The following PDZD2 variants were observed in gnomAD, a reference collection of about 807,000 sequenced individuals.
PDZD2 encodes PDZ domain-containing protein 2.
In PDZD2, 90 loss-of-function variants were observed where a neutral mutation model predicts 220.7. That is an observed-to-expected ratio of 0.41 (90% CI 0.34 to 0.49). The LOEUF (loss-of-function observed/expected upper bound fraction) is 0.49. PDZD2 is among the 20% of genes least tolerant of loss of function. The pLI, the probability that PDZD2 is intolerant of heterozygous loss-of-function variation, is 0.28. For missense variants in PDZD2, 3,174 were observed against 3,608.5 expected (o/e 0.88, Z 3.08); for synonymous variants, 1,375 against 1,450.5 (o/e 0.95, Z 1.18).
intron 2 of PDZD2, among the ~76,000 whole-genome samples, chr5:31,886,358 A>G (rs376757705): frequency 1.4e-4 from 22 of 152,064 alleles, no homozygotes; most frequent in African/African-American, 5.1e-4. Flanking sequence ...CAAGTTGTTT[A>G]TGTGCCTCCC....
intron 2 of PDZD2, among the ~76,000 whole-genome samples, chr5:31,895,734 C>T (rs1425094596): frequency 6.6e-6 from 1 of 152,126 alleles, no homozygotes; most frequent in Non-Finnish European, 1.5e-5. Context: ...CACATACCTC[C>T]CTCATGAAGG....
In PDZD2 at chr5:31,646,316, A is replaced by AG. The variant is rs1231899191; in HGVS notation, c.-361+6880dup. 6.6e-6 allele frequency among the ~76,000 whole-genome samples: 1 copy of AG among 152,050 alleles called. No individual in the cohort carries two copies. Among genetic ancestry groups the AG allele is most frequent in the Non-Finnish European group, 1.5e-5 (1 of 68,020 alleles). On this transcript the variant is annotated intron_variant, in intron 1 of 24. Transcript: ENST00000438447. This position sits in a 1 kb window ranked among gnomAD's most constrained non-coding sequence, Gnocchi z 4.7. ...TTGGTGGGTACAAGTTTGAACACCTAGTAATGCCCCTTACCCCTGAGGAAT... is the reference window on the plus strand; with the variant it reads ...TTGGTGGGTACAAGTTTGAACACCTAGGTAATGCCCCTTACCCCTGAGGAAT...
intron 1 of PDZD2, among the ~76,000 whole-genome samples, chr5:31,755,065 C>T (rs1751226368): frequency 6.6e-6 from 1 of 152,146 alleles, no homozygotes; most frequent in South Asian, 2.1e-4. Context: ...TTGAAAATTA[C>T]AGGCAGCACA....
In PDZD2 at chr5:32,053,836, C is replaced by T. The variant is rs1227399536; in HGVS notation, c.1853C>T (p.Thr618Ile). The T allele has an allele frequency of 6.2e-7, 1 of 1,613,016 alleles. No homozygotes were observed. The part of the protein sequence containing the change: ...IRGQMGIFVK[T>I]IFPNGSAAED... ...GGACAGATGGGGATTTTTGTCAAGA[C>T]CATCTTCCCAAATGGATCAGCTGCA... The change falls in exon 10 of 25, where the codon ACC (threonine) becomes ATC (isoleucine). Residue 618 changes from threonine to isoleucine, a missense_variant. Physicochemically the swap from Thr to Ile is moderately conservative, Grantham distance 89 (BLOSUM62 -1). Coordinates refer to ENST00000438447, the MANE Select transcript of PDZD2 (RefSeq NM_178140.4).
intron 6 of PDZD2, among the ~76,000 whole-genome samples, chr5:32,014,717 T>TTTTTTTTTTTTTTGAGATGGAG (rs1753619852): frequency 7.5e-6 from 1 of 133,186 alleles, no homozygotes; most frequent in African/African-American, 3.1e-5. Flanking sequence ...TTTTTTTTTT[T>TTTTTTTTTTTTTTGAGATGGAG]TTTTTTTTTT....
intron 7 of PDZD2, among the ~76,000 whole-genome samples, chr5:32,040,917 G>A (rs1174250728): frequency 4.7e-5 from 7 of 148,332 alleles, no homozygotes; most frequent in Non-Finnish European, 1.0e-4. Flanking sequence ...GATGTGAGGA[G>A]CACCTCTGCC....
At chr5:31,995,764 C>A in intron 4 of PDZD2, 46 bp downstream of exon 4, 1 of 1,541,284 alleles carries the variant, frequency 6.5e-7, no homozygotes, top group East Asian at 2.3e-5. Flanking sequence ...TGCCTCCTCT[C>A]CTTCCCTCTC....
intron 13 of PDZD2, among the ~76,000 whole-genome samples, chr5:32,060,594 G>A (rs545755485): frequency 1.3e-5 from 2 of 152,206 alleles, no homozygotes; most frequent in Non-Finnish European, 2.9e-5. Context: ...TAGTTCAACA[G>A]TGTGTGACAT....
intron 5 of PDZD2, among the ~76,000 whole-genome samples, chr5:32,005,648 C>T (rs1251478568): frequency 6.6e-6 from 1 of 152,068 alleles, no homozygotes; most frequent in African/African-American, 2.4e-5. Context: ...GCAACATGTA[C>T]ATACATGTTT....
rs867108435 is a variant in PDZD2, at chr5:31,850,051, C to G, written c.476+50327C>G. 4.4e-5 allele frequency among the ~76,000 whole-genome samples: 3 copies of G among 68,076 alleles called. No individual in the cohort carries two copies. The South Asian group carries it at 1.2e-3, about 26-fold the overall frequency. 44.7% of individuals were successfully genotyped at this position (68,076 alleles called of 152,430 possible). ...TCATATATACACGTATATATATATA[C>G]GTGTATATATAAGTATATATATGTG... On this transcript the variant is annotated intron_variant, in intron 2 of 24. Coordinates refer to ENST00000438447, the MANE Select transcript of PDZD2 (RefSeq NM_178140.4).
At chr5:32,068,996 G>A (rs992926184) in intron 14 of PDZD2, among the ~76,000 whole-genome samples, 7 of 152,064 alleles carry the variant, frequency 4.6e-5, no homozygotes, top group African/African-American at 1.7e-4. Context: ...GGCCGGACGC[G>A]GTGGCTCACA....
intron 1 of PDZD2, among the ~76,000 whole-genome samples, chr5:31,732,200 G>A (rs1749574662): frequency 1.3e-5 from 2 of 152,162 alleles, no homozygotes; most frequent in Admixed American, 6.5e-5. Context: ...GCCCTACAGA[G>A]AAGCTTTTTT....
At chr5:31,873,533 TTTTA>T (rs57704132) in intron 2 of PDZD2, among the ~76,000 whole-genome samples, 9,132 of 143,988 alleles carry the variant, frequency 0.063, 672 homozygotes, top group African/African-American at 0.18. Flanking sequence ...TGAAAATTCT[TTTTA>T]TTTATTTATT....
intron 2 of PDZD2, among the ~76,000 whole-genome samples, chr5:31,820,076 C>T (rs2150253590): frequency 6.6e-6 from 1 of 152,336 alleles, no homozygotes; most frequent in South Asian, 2.1e-4. Flanking sequence ...TGCGGTGCCT[C>T]CCCAAGCTGG....
intron 2 of PDZD2, among the ~76,000 whole-genome samples, chr5:31,949,629 C>T (rs1312736644): frequency 6.7e-6 from 1 of 150,022 alleles, no homozygotes; most frequent in African/African-American, 2.5e-5. Flanking sequence ...ACCTTAGTCT[C>T]TTCAGCTGCT....
intron 2 of PDZD2, among the ~76,000 whole-genome samples, chr5:31,811,626 G>C (rs79586730): frequency 0.012 from 1,805 of 152,296 alleles, 27 homozygotes; most frequent in African/African-American, 0.039. Flanking sequence ...GATCACAAAT[G>C]TATCTTCACA....
At chr5:32,058,674 C>CAAAAA (rs35570128) in intron 12 of PDZD2, among the ~76,000 whole-genome samples, 1 of 92,240 alleles carries the variant, frequency 1.1e-5, no homozygotes, top group Non-Finnish European at 2.3e-5. Context: ...AACTCCGTCT[C>CAAAAA]AAAAAAAAAA....
At chr5:31,724,571 C>T (rs922848213) in intron 1 of PDZD2, among the ~76,000 whole-genome samples, 15 of 143,820 alleles carry the variant, frequency 1.0e-4, no homozygotes, top group African/African-American at 3.4e-4. Context: ...CATTGCACTC[C>T]AGCCTGGGCA....
chr5:32,014,734 T>TTTTTTTTTTTTTTTTG (rs1753631871), intron 6 of PDZD2, among the ~76,000 whole-genome samples: 1 of 60,686 alleles, frequency 1.6e-5, no homozygotes, highest in African/African-American at 4.9e-5. Context: ...TTTTTTTTTT[T>TTTTTTTTTTTTTTTTG]GAGATGGAGT....
Sources: gnomAD v4.1 joint callset for allele counts (sites outside exome capture counted in the v4.1 genomes callset) on GRCh38, gnomAD v4.1.1 for gene constraint, Gnocchi (gnomAD v3.1) non-coding constraint, MANE v1.5 for transcripts, NCBI Gene and HGNC (gene_info 2026-07-23, HGNC 2026-07-21) for gene names.